BMP5: variants seen among roughly 807,000 people sequenced by gnomAD.
BMP5 encodes bone morphogenetic protein 5.
BMP5 carries 23 observed loss-of-function variants against 46.6 expected under a neutral mutation model. The observed-to-expected ratio is 0.49, with a 90% CI of 0.35 to 0.70. The LOEUF (loss-of-function observed/expected upper bound fraction) is 0.70, where lower values mean the gene tolerates loss of function less well. Ranked by LOEUF, BMP5 falls within the 30% of genes least tolerant of loss-of-function variation. BMP5 has a pLI of 0.00. For missense variants in BMP5, 545 were observed against 565.6 expected, an observed-to-expected ratio of 0.96 and a Z score of 0.37; for synonymous variants, 204 against 191.9, an observed-to-expected ratio of 1.06 and a Z score of -0.52.
intron 4 of BMP5, among the ~76,000 whole-genome samples, chr6:55,764,043 C>T (rs903920045): frequency 6.6e-6 from 1 of 152,128 alleles, no homozygotes; most frequent in African/African-American, 2.4e-5. Context: ...ATTAATACAA[C>T]CTCTTTTTTG....
intron 1 of BMP5, among the ~76,000 whole-genome samples, chr6:55,823,530 A>C (rs1776458904): frequency 6.6e-6 from 1 of 152,030 alleles, no homozygotes; most frequent in Non-Finnish European, 1.5e-5. Context: ...CACTAGTTTT[A>C]TAACTTGTCA....
intron 1 of BMP5, among the ~76,000 whole-genome samples, chr6:55,829,446 G>T: frequency 6.6e-6 from 1 of 151,402 alleles, no homozygotes; most frequent in Non-Finnish European, 1.5e-5. Flanking sequence ...ACCATCTACT[G>T]TGGCACAGCC....
intron 1 of BMP5, among the ~76,000 whole-genome samples, chr6:55,822,397 C>A (rs777267567): frequency 6.6e-6 from 1 of 152,086 alleles, no homozygotes; most frequent in Non-Finnish European, 1.5e-5. Context: ...TGCTTTGCTG[C>A]AGAAATTGTC....
intron 1 of BMP5, among the ~76,000 whole-genome samples, chr6:55,854,543 T>A (rs1253437913): frequency 6.6e-6 from 1 of 152,086 alleles, no homozygotes; most frequent in African/African-American, 2.4e-5. Flanking sequence ...ATTTTCACTG[T>A]ATTTTCTTTT....
chr6:55,824,589 G>A (rs915498850), intron 1 of BMP5, among the ~76,000 whole-genome samples: 1 of 151,782 alleles, frequency 6.6e-6, no homozygotes, highest in Non-Finnish European at 1.5e-5. Flanking sequence ...TTGTTAAAGG[G>A]GATAGAAGGA....
intron 3 of BMP5, among the ~76,000 whole-genome samples, chr6:55,781,583 T>A (rs1775318528): frequency 6.6e-6 from 1 of 152,002 alleles, no homozygotes; most frequent in African/African-American, 2.4e-5. Context: ...AGATACTCTT[T>A]TACCAGCTAC....
intron 6 of BMP5, among the ~76,000 whole-genome samples, chr6:55,757,139 G>A (rs752645943): frequency 6.6e-6 from 1 of 151,806 alleles, no homozygotes; most frequent in Non-Finnish European, 1.5e-5. Flanking sequence ...AGCCATAAGA[G>A]CTGAAAATAT....
At chr6:55,791,447 G>A (rs1284505226) in intron 3 of BMP5, among the ~76,000 whole-genome samples, 1 of 152,094 alleles carries the variant, frequency 6.6e-6, no homozygotes, top group East Asian at 1.9e-4. Context: ...ACAAAAGGCT[G>A]TATATTTCAA....
intron 2 of BMP5, among the ~76,000 whole-genome samples, chr6:55,795,600 A>C (rs1399011245): frequency 6.6e-6 from 1 of 152,150 alleles, no homozygotes; most frequent in Non-Finnish European, 1.5e-5. Context: ...AAATACTCAA[A>C]TTTAAAAGTG....
rs772679058 is a variant in BMP5, at chr6:55,874,915, A to G, written c.-50T>C. On this transcript the variant is annotated 5_prime_UTR_variant, in exon 1 of 7. Transcript: ENST00000370830. The stretch of plus-strand genomic sequence containing the variant: ...ATTTTTAGTCCTTCTTGTCCTCTTA[A>G]AAAAAAAAAAAACCTAAGGTTCTAG... The G allele has an allele frequency of 6.7e-7, 1 of 1,483,640 alleles. No individual in the cohort carries two copies. Among genetic ancestry groups the G allele is most frequent in the South Asian group, 1.3e-5 (1 of 79,802 alleles). The allele number at this position is 1,483,640 out of a possible 1,614,324, so 91.9% of individuals were successfully genotyped here.
At chr6:55,866,138 C>T (rs1445210620) in intron 1 of BMP5, among the ~76,000 whole-genome samples, 1 of 152,112 alleles carries the variant, frequency 6.6e-6, no homozygotes, top group Non-Finnish European at 1.5e-5. Flanking sequence ...ACCCTCTCTT[C>T]CTCTTTTAAT....
At chr6:55,826,810 C>G (rs1255906704) in intron 1 of BMP5, among the ~76,000 whole-genome samples, 2 of 151,844 alleles carry the variant, frequency 1.3e-5, no homozygotes, top group East Asian at 3.9e-4. Flanking sequence ...CTTCCATTAT[C>G]TCCCTCATGG....
intron 1 of BMP5, among the ~76,000 whole-genome samples, chr6:55,867,733 G>A (rs1187253680): frequency 6.6e-6 from 1 of 152,120 alleles, no homozygotes; most frequent in Non-Finnish European, 1.5e-5. Context: ...TTGCATCAGG[G>A]TCCACAGATT....
At chr6:55,817,562 G>A (rs12180625) in intron 2 of BMP5, among the ~76,000 whole-genome samples, 2,717 of 151,826 alleles carry the variant, frequency 0.018, 75 homozygotes, top group African/African-American at 0.061. Context: ...AGAACACATG[G>A]ACACAGGAAG....
rs1290791469 is a variant in BMP5, at chr6:55,755,041, C to G, written c.*492G>C. On this transcript the variant is annotated 3_prime_UTR_variant, in exon 7 of 7. Transcript: ENST00000370830. ...TTCACTTTATCTAATGAAGCAGGAA[C>G]TCTAAAAGAGAAATTGTGTTTATCC... 6.5e-6 allele frequency: 1 copy of G among 152,678 alleles called. No individual in the cohort carries two copies. Among genetic ancestry groups the G allele is most frequent in the African/African-American group, 2.4e-5 (1 of 41,410 alleles). 9.5% of individuals were successfully genotyped at this position (152,678 alleles called of 1,614,324 possible). A position where few individuals can be genotyped will look rare whatever the true frequency, so the allele number is the denominator to read the frequency against.
chr6:55,865,311 C>T (rs1777613840), intron 1 of BMP5: 2 of 416,598 alleles, frequency 4.8e-6, no homozygotes, highest in African/African-American at 4.2e-5. Flanking sequence ...ACTACCTTGG[C>T]TTCTAATTAG....
chr6:55,846,652 T>C (rs981316603), intron 1 of BMP5, among the ~76,000 whole-genome samples: 1 of 151,906 alleles, frequency 6.6e-6, no homozygotes, highest in African/African-American at 2.4e-5. Flanking sequence ...CTAATTTATA[T>C]GCTCAAATCT....
intron 4 of BMP5, among the ~76,000 whole-genome samples, 173 bp from the exon 5 acceptor site, chr6:55,760,706 A>G (rs1371917306): frequency 6.6e-6 from 1 of 152,014 alleles, no homozygotes; most frequent in Non-Finnish European, 1.5e-5. Flanking sequence ...CAGTCAAGTT[A>G]CTTGTCCTGA....
At chr6:55,841,926 G>GAGAGAT (rs1776969768) in intron 1 of BMP5, among the ~76,000 whole-genome samples, 3 of 151,966 alleles carry the variant, frequency 2.0e-5, no homozygotes, top group Non-Finnish European at 2.9e-5. Context: ...CAGAGAGAGA[G>GAGAGAT]AGAGAGAGAG....
Sources: gnomAD v4.1 joint callset for allele counts (sites outside exome capture counted in the v4.1 genomes callset) on GRCh38, gnomAD v4.1.1 for gene constraint, MANE v1.5 for transcripts, NCBI Gene and HGNC (gene_info 2026-07-23, HGNC 2026-07-21) for gene names.